CACNA1A: variants seen among roughly 807,000 people sequenced by gnomAD.
CACNA1A encodes the protein calcium voltage-gated channel subunit alpha1 A, also known as voltage-dependent P/Q-type calcium channel subunit alpha-1A.
In CACNA1A, 57 loss-of-function variants were observed where a neutral mutation model predicts 262.4. That is an observed-to-expected ratio of 0.22 (90% CI 0.18 to 0.27). The LOEUF is 0.27. CACNA1A is among the 10% of genes least tolerant of loss of function. The pLI is 1.00. For synonymous variants in CACNA1A, 1,431 were observed against 1,419.3 expected, an observed-to-expected ratio of 1.01 and a Z score of -0.18; for missense variants, 2,526 against 3,562.8, an observed-to-expected ratio of 0.71 and a Z score of 7.41.
chr19:13,285,952 A>ATTTTTTTT (rs74181819), intron 20 of CACNA1A, among the ~76,000 whole-genome samples: 1 of 95,806 alleles, frequency 1.0e-5, no homozygotes, highest in African/African-American at 4.2e-5. Context: ...GCAGTTCACC[A>ATTTTTTTT]TTTTTTTTTT....
rs138069447 is a variant in CACNA1A, at chr19:13,216,230, T to TG, written c.5732-1623dup. On this transcript the variant is annotated intron_variant, in intron 38 of 46. Coordinates refer to ENST00000360228, the MANE Select transcript of CACNA1A (RefSeq NM_001127222.2). ...TTCCTGGCCCTCCTACCTGAGTACA[T>TG]GGGGGGGTTCCTCCTGTGGTTGGCA... Among the ~76,000 whole-genome samples, 202 of 152,258 alleles carry TG rather than the reference T, an allele frequency of 1.3e-3. 2 individuals carry two copies. The highest frequency in any genetic ancestry group is 2.2e-3 in the Non-Finnish European group (152 of 68,004).
chr19:13,307,961 C>T, intron 14 of CACNA1A, 107 bp from the exon 15 acceptor site: 1 of 1,384,898 alleles, frequency 7.2e-7, no homozygotes, highest in East Asian at 2.3e-5. Context: ...CATCTCTGTC[C>T]CCAGGAAACC....
chr19:13,305,400 G>C (rs1044294446), intron 15 of CACNA1A, among the ~76,000 whole-genome samples: 5 of 152,084 alleles, frequency 3.3e-5, no homozygotes, highest in African/African-American at 1.2e-4. Context: ...AAGAACCAAG[G>C]GGATATTCAA....
intron 26 of CACNA1A, chr19:13,261,149 C>T (rs1004177158): frequency 3.4e-6 from 1 of 291,508 alleles, no homozygotes; most frequent in Non-Finnish European, 6.4e-6. Context: ...CTTTGAAACA[C>T]ATCTGCCTGT....
chr19:13,408,262 C>T (rs967790211), intron 3 of CACNA1A, among the ~76,000 whole-genome samples: 1 of 152,100 alleles, frequency 6.6e-6, no homozygotes, highest in African/African-American at 2.4e-5. Context: ...CCCAGCTACT[C>T]AGGAAGCTGA....
At chr19:13,491,646 C>T (rs576534297) in intron 1 of CACNA1A, among the ~76,000 whole-genome samples, 9 of 152,290 alleles carry the variant, frequency 5.9e-5, no homozygotes, top group Middle Eastern at 3.4e-3. Flanking sequence ...TGCACTAAAT[C>T]TTGTGGCTGC....
intron 17 of CACNA1A, among the ~76,000 whole-genome samples, chr19:13,302,779 C>A (rs1205739374): frequency 6.6e-6 from 1 of 152,204 alleles, no homozygotes; most frequent in Admixed American, 6.5e-5. Context: ...CTTCCCTCCA[C>A]TGGGAGCTGG....
chr19:13,221,212 T>TTTTCTTTTC (rs2055203586), intron 38 of CACNA1A, among the ~76,000 whole-genome samples: 1 of 40,916 alleles, frequency 2.4e-5, no homozygotes, highest in African/African-American at 1.3e-4. Flanking sequence ...TCCCATTTGT[T>TTTTCTTTTC]TTTTCTTTTC....
intron 31 of CACNA1A, among the ~76,000 whole-genome samples, chr19:13,243,410 G>A (rs146639746): frequency 6.6e-6 from 1 of 152,318 alleles, no homozygotes; most frequent in African/African-American, 2.4e-5. Flanking sequence ...TAGGACGGAA[G>A]AGCAGGCAAA....
At chr19:13,499,447 T>TA (rs1555795929) in intron 1 of CACNA1A, among the ~76,000 whole-genome samples, 1 of 87,678 alleles carries the variant, frequency 1.1e-5, no homozygotes, top group Non-Finnish European at 2.2e-5. Flanking sequence ...TCGCAGGGGG[T>TA]GGTGGGGGGG....
At chr19:13,468,072 A>G (rs564208731) in intron 1 of CACNA1A, among the ~76,000 whole-genome samples, 3 of 152,348 alleles carry the variant, frequency 2.0e-5, no homozygotes, top group Admixed American at 2.0e-4. Context: ...AAGAATTAAC[A>G]TGACTCATGG....
intron 2 of CACNA1A, 60 bp from the exon 3 acceptor site, chr19:13,453,075 G>A: frequency 1.3e-6 from 2 of 1,583,392 alleles, no homozygotes; most frequent in Non-Finnish European, 1.7e-6. Context: ...ACAAGATCAG[G>A]GAACCAGCCC....
chr19:13,392,110 C>T (rs2059720865), intron 3 of CACNA1A, among the ~76,000 whole-genome samples: 1 of 151,306 alleles, frequency 6.6e-6, no homozygotes, highest in Admixed American at 6.6e-5. Context: ...ACTAAGGAGG[C>T]TGAGGCAGGA....
intron 3 of CACNA1A, among the ~76,000 whole-genome samples, chr19:13,404,352 G>C (rs1568612579): frequency 6.6e-6 from 1 of 152,104 alleles, no homozygotes; most frequent in Non-Finnish European, 1.5e-5. Context: ...ATGCCACCTG[G>C]GGAACAGTGT....
At chr19:13,418,667 C>A (rs761826560) in intron 3 of CACNA1A, among the ~76,000 whole-genome samples, 1 of 152,044 alleles carries the variant, frequency 6.6e-6, no homozygotes, top group Non-Finnish European at 1.5e-5. Context: ...GATCCTCCCC[C>A]GGATCCTTTG....
At position 13,306,047 on chromosome 19, in the gene CACNA1A, G is replaced by T. The variant is rs544085911; in HGVS notation, c.1986+1735C>A. 5.1e-5 allele frequency among the ~76,000 whole-genome samples: 7 copies of T among 136,386 alleles called. 1 individual carries two copies. Among genetic ancestry groups the T allele is most frequent in the African/African-American group, 1.7e-4 (6 of 35,466 alleles). 89.5% of individuals were successfully genotyped at this position (136,386 alleles called of 152,430 possible). A position where few individuals can be genotyped will look rare whatever the true frequency, so the allele number is the denominator to read the frequency against. Reference sequence around the variant, plus strand: ...CGCACTCCAGCCTGGGCAACAGAGCGAGACTCCATCTCAAAAAAAAAAAAA... The same window carrying T: ...CGCACTCCAGCCTGGGCAACAGAGCTAGACTCCATCTCAAAAAAAAAAAAA... On this transcript the variant is annotated intron_variant, in intron 15 of 46. Coordinates refer to ENST00000360228, the MANE Select transcript of CACNA1A (RefSeq NM_001127222.2).
rs1262925914 is a variant in CACNA1A at position 13,208,171 on chromosome 19, AGGGG to A, written c.6781-122_6781-119del. On this transcript the variant is annotated intron_variant, in intron 46 of 46. Transcript: ENST00000360228. ...GAGAGGGGCCGGGAGGAGAGGGAGG[AGGGG>A]GAGGGGGAGGAGGAGGAGGAGGAGG... The A allele has an allele frequency of 7.5e-3, 174 of 23,248 alleles. 3 individuals are homozygous for A. Among genetic ancestry groups the A allele is most frequent in the African/African-American group, 0.038 (165 of 4,314 alleles). 1.4% of individuals were successfully genotyped at this position (23,248 alleles called of 1,614,324 possible).
Position 13,330,233 on chromosome 19 carries a change from A to G in CACNA1A, c.1345+11T>C. Reference sequence around the variant, plus strand: ...ATGAACAACTGATAGGTGGCAGAGGAAGGGACTCACCCACAGAGGCTATAT... The same window carrying G: ...ATGAACAACTGATAGGTGGCAGAGGGAGGGACTCACCCACAGAGGCTATAT... On this transcript the variant is annotated intron_variant, in intron 10 of 46. Transcript: ENST00000360228. 2 of 1,539,238 alleles carry G rather than the reference A, an allele frequency of 1.3e-6. No individual in the cohort carries two copies. The highest frequency in any genetic ancestry group is 1.8e-6 in the Non-Finnish European group (2 of 1,134,796).
At chr19:13,461,414 A>C (rs1306535249) in intron 1 of CACNA1A, among the ~76,000 whole-genome samples, 2 of 152,096 alleles carry the variant, frequency 1.3e-5, no homozygotes, top group African/African-American at 4.8e-5. Flanking sequence ...AAGGAAGGGG[A>C]CATGGGTCCT....
Sources: allele counts gnomAD v4.1 joint callset (sites outside exome capture counted in the v4.1 genomes callset), GRCh38; gene constraint gnomAD v4.1.1; transcripts MANE v1.5; gene names NCBI Gene and HGNC (gene_info 2026-07-23, HGNC 2026-07-21).